Variants in TMEM114 observed in about 807,000 individuals in gnomAD.
TMEM114 encodes the protein transmembrane protein 114, also known as claudin-26.
TMEM114 carries 6 observed loss-of-function variants against 6.2 expected under a neutral mutation model. That is an observed-to-expected ratio of 0.97 (90% CI 0.53 to 1.91). The LOEUF (loss-of-function observed/expected upper bound fraction) is 1.91. TMEM114 is among the 40% of genes most tolerant of loss of function. The pLI, the probability that TMEM114 is intolerant of heterozygous loss-of-function variation, is 0.01. For missense variants in TMEM114, 218 were observed against 158.3 expected (o/e 1.38, Z -2.02); for synonymous variants, 104 against 73.0 (o/e 1.42, Z -2.16).
At chr16:8,559,264 A>C (rs970770652) in intron 2 of TMEM114, among the ~76,000 whole-genome samples, 9 of 151,930 alleles carry the variant, frequency 5.9e-5, no homozygotes, top group African/African-American at 2.2e-4. Flanking sequence ...GCTGGTCTCC[A>C]ACTCATAACC....
At chr16:8,544,420 G>A (rs1051089890) in intron 2 of TMEM114, among the ~76,000 whole-genome samples, 1 of 152,200 alleles carries the variant, frequency 6.6e-6, no homozygotes, top group East Asian at 1.9e-4. Context: ...GGAAGTAAAG[G>A]GGGTGATATT....
downstream of TMEM114, among the ~76,000 whole-genome samples, chr16:8,568,804 G>A (rs1901628128): frequency 6.6e-6 from 1 of 152,204 alleles, no homozygotes; most frequent in African/African-American, 2.4e-5. Context: ...ACTGATGCCT[G>A]GACACCAGCC....
intron 2 of TMEM114, among the ~76,000 whole-genome samples, chr16:8,560,517 C>G (rs1477115085): frequency 6.6e-6 from 1 of 152,218 alleles, no homozygotes; most frequent in Non-Finnish European, 1.5e-5. Context: ...AGAGGACGCA[C>G]TTCCTGCTGG....
chr16:8,559,778 T>A (rs1040732960), intron 2 of TMEM114, among the ~76,000 whole-genome samples: 1 of 152,148 alleles, frequency 6.6e-6, no homozygotes. Flanking sequence ...GTTCTGCTGA[T>A]GATGGAGGAG....
At chr16:8,578,622 G>A (rs540350190) in intron 2 of TMEM114, among the ~76,000 whole-genome samples, 5 of 152,260 alleles carry the variant, frequency 3.3e-5, no homozygotes, top group Non-Finnish European at 5.9e-5. Context: ...ACCACGTCTT[G>A]GATGGCATAC....
In TMEM114 at chr16:8,590,066, G is replaced by T. The variant is rs1000420488; in HGVS notation, c.-228C>A. 2.7e-5 allele frequency: 10 copies of T among 375,156 alleles called. No individual in the cohort carries two copies. In the East Asian group the frequency reaches 3.5e-4, roughly 13 times the overall value. The allele number at this position is 375,156 out of a possible 1,614,324, so 23.2% of individuals were successfully genotyped here. On this transcript the variant is annotated 5_prime_UTR_variant, in exon 1 of 4. Transcript: ENST00000620492. ...CGCCCCCCGCTCAGCCGCCGTCCAC[G>T]TTCCCACCCCTCCAATGCCAGCTCT...
chr16:8,583,125 A>G (rs1341890616), intron 2 of TMEM114, among the ~76,000 whole-genome samples: 1 of 152,204 alleles, frequency 6.6e-6, no homozygotes, highest in Admixed American at 6.5e-5. Context: ...TGTGAAGATT[A>G]AATGAGTAGA....
intron 2 of TMEM114, among the ~76,000 whole-genome samples, chr16:8,564,389 A>ATGAGTGAG: frequency 1.4e-5 from 2 of 143,120 alleles, no homozygotes; most frequent in African/African-American, 2.6e-5. Flanking sequence ...GAGTGAGGGA[A>ATGAGTGAG]TGAGTGAGTG....
At chr16:8,564,611 G>A (rs1305101450), downstream of TMEM114, among the ~76,000 whole-genome samples, 12 of 127,810 alleles carry the variant, frequency 9.4e-5, 1 homozygote, top group Admixed American at 8.9e-4. Context: ...GGGAGGGAAT[G>A]AGTGAGTGAA....
At chr16:8,551,360 C>T (rs562001615) in intron 2 of TMEM114, among the ~76,000 whole-genome samples, 21 of 152,140 alleles carry the variant, frequency 1.4e-4, no homozygotes, top group Non-Finnish European at 2.2e-4. Context: ...CCCCTAGTAA[C>T]GGTGGGACCC....
At chr16:8,559,199 C>T (rs1015685882) in intron 2 of TMEM114, among the ~76,000 whole-genome samples, 3 of 152,122 alleles carry the variant, frequency 2.0e-5, no homozygotes, top group Non-Finnish European at 4.4e-5. Flanking sequence ...TGCGCCACTA[C>T]GCCCGGATAA....
intron 2 of TMEM114, among the ~76,000 whole-genome samples, chr16:8,550,862 C>G (rs566459084): frequency 6.6e-6 from 1 of 152,268 alleles, no homozygotes; most frequent in African/African-American, 2.4e-5. Context: ...GCTGAACCCA[C>G]AGGATAGAAC....
intron 2 of TMEM114, among the ~76,000 whole-genome samples, chr16:8,542,790 TCA>T (rs1273166710): frequency 6.6e-6 from 1 of 152,122 alleles, no homozygotes; most frequent in African/African-American, 2.4e-5. Flanking sequence ...CAGAATCTCC[TCA>T]GTCTCAACTC....
chr16:8,563,181 G>A (rs922707965), intron 2 of TMEM114, among the ~76,000 whole-genome samples: 1 of 139,338 alleles, frequency 7.2e-6, no homozygotes, highest in African/African-American at 2.6e-5. Context: ...AAATGAGTGA[G>A]TGAATGAGTG....
At chr16:8,584,518 G>A (rs1274094928) in intron 2 of TMEM114, among the ~76,000 whole-genome samples, 2 of 152,158 alleles carry the variant, frequency 1.3e-5, no homozygotes, top group African/African-American at 2.4e-5. Context: ...AAAGAGTGGA[G>A]GTTATTGGGA....
chr16:8,556,192 C>T (rs1311573531), intron 2 of TMEM114, among the ~76,000 whole-genome samples: 1 of 152,138 alleles, frequency 6.6e-6, no homozygotes, highest in Non-Finnish European at 1.5e-5. Context: ...CCCGCCAGCT[C>T]TGCCCACATT....
intron 2 of TMEM114, among the ~76,000 whole-genome samples, chr16:8,545,632 T>C (rs952568201): frequency 1.3e-5 from 2 of 152,094 alleles, no homozygotes; most frequent in East Asian, 1.9e-4. Flanking sequence ...AGATCATTAG[T>C]GGGGTCTGAG....
rs189246019 is a variant in TMEM114, at chr16:8,563,049, T to C, written n.213-25223A>G. The stretch of plus-strand genomic sequence containing the variant: ...GGGAATGAGTGAGTGAATGAGTAAA[T>C]TGAGTGAATGAGTAAGTGAATGAGT... On this transcript the variant is annotated intron_variant and non_coding_transcript_variant, in intron 2 of 2. Transcript: ENST00000623677. Among the ~76,000 whole-genome samples the C allele has an allele frequency of 2.9e-4, 22 of 75,400 alleles. 1 individual carries two copies. The highest frequency in any genetic ancestry group is 5.9e-4 in the Non-Finnish European group (21 of 35,456). 49.5% of individuals were successfully genotyped at this position (75,400 alleles called of 152,430 possible). A position where few individuals can be genotyped will look rare whatever the true frequency, so the allele number is the denominator to read the frequency against.
At chr16:8,549,711 T>A (rs1900783984) in intron 2 of TMEM114, among the ~76,000 whole-genome samples, 1 of 152,130 alleles carries the variant, frequency 6.6e-6, no homozygotes, top group African/African-American at 2.4e-5. Flanking sequence ...TGTGTCTGTG[T>A]GCTCAGGTGG....
Sources: gnomAD v4.1 joint callset for allele counts (sites outside exome capture counted in the v4.1 genomes callset) on GRCh38, gnomAD v4.1.1 for gene constraint, MANE v1.5 for transcripts, NCBI Gene and HGNC (gene_info 2026-07-23, HGNC 2026-07-21) for gene names.